The following ANK2 variants were observed in gnomAD, a reference collection of about 807,000 sequenced individuals.
ANK2 encodes the protein ankyrin 2.
A neutral mutation model predicts 360.5 loss-of-function variants in ANK2; 83 were observed. That is an observed-to-expected ratio of 0.23 (90% CI 0.19 to 0.28). The LOEUF (loss-of-function observed/expected upper bound fraction) is 0.28. Ranked by LOEUF, ANK2 falls within the 10% of genes least tolerant of loss-of-function variation. ANK2 has a pLI of 1.00. For synonymous variants in ANK2, 1,740 were observed against 1,759.5 expected (o/e 0.99, Z 0.28); for missense variants, 4,201 against 4,795.7 (o/e 0.88, Z 3.66).
chr4:112,761,693 G>T, the ANK2 span, among the ~76,000 whole-genome samples: 1 of 152,136 alleles, frequency 6.6e-6, no homozygotes, highest in African/African-American at 2.4e-5. Context: ...ACAGTGCTTG[G>T]AAATATTTCT....
Position 113,335,949 on chromosome 4 carries a change from C to T in ANK2, c.3483C>T (p.Ser1161=), listed in dbSNP as rs1057520881. The change falls in exon 30 of 46, where the codon AGC becomes AGT. Residue 1161 remains serine (S), a synonymous_variant. Transcript: ENST00000357077. ...TGGTGTCTCGTATCAAACAGGACAG[C>T]AATCTGATTGGCCCAGAAGGAGGTG... The part of the protein sequence containing the change: ...FAVVSRIKQD[S]NLIGPEGGVL... 6.2e-7 allele frequency: 1 copy of T among 1,614,156 alleles called. No individual in the cohort carries two copies. Among genetic ancestry groups the T allele is most frequent in the Non-Finnish European group, 8.5e-7 (1 of 1,180,024 alleles).
At chr4:113,067,127 A>G (rs1278656366) in intron 1 of ANK2, among the ~76,000 whole-genome samples, 5 of 65,708 alleles carry the variant, frequency 7.6e-5, no homozygotes, top group African/African-American at 4.1e-4. Context: ...AAAGTGGGAA[A>G]ACATGGCGAG....
At chr4:113,336,226 A>C (rs953457060) in intron 30 of ANK2, 169 bp downstream of exon 30, 1 of 720,320 alleles carries the variant, frequency 1.4e-6, no homozygotes, top group African/African-American at 1.8e-5. Context: ...TAATCTATTT[A>C]AAAATTCAAC....
chr4:113,311,430 C>A, intron 24 of ANK2, 31 bp downstream of exon 24: 1 of 1,612,466 alleles, frequency 6.2e-7, no homozygotes, highest in Non-Finnish European at 8.5e-7. Context: ...TTGATGTCAG[C>A]CAGAAGTATG....
chr4:113,063,799 G>T (rs879414767), intron 1 of ANK2, among the ~76,000 whole-genome samples: 11 of 151,960 alleles, frequency 7.2e-5, no homozygotes, highest in Non-Finnish European at 1.6e-4. Flanking sequence ...CAGATCTCAG[G>T]ACTATTTTTA....
chr4:112,921,019 A>G (rs1261685361), intron 2 of ANK2, among the ~76,000 whole-genome samples: 3 of 151,920 alleles, frequency 2.0e-5, no homozygotes, highest in Admixed American at 6.6e-5. Flanking sequence ...GATTAGTCCA[A>G]ATGAATAATT....
intron 1 of ANK2, chr4:112,826,839 A>G: frequency 7.6e-7 from 1 of 1,322,596 alleles, no homozygotes; most frequent in Non-Finnish European, 1.1e-6. Flanking sequence ...AGAGAATGGA[A>G]CAATATGCTT....
At chr4:113,300,830 G>T (rs1259587290) in intron 22 of ANK2, among the ~76,000 whole-genome samples, 2 of 152,142 alleles carry the variant, frequency 1.3e-5, no homozygotes, top group Non-Finnish European at 2.9e-5. Flanking sequence ...CTGAATCACA[G>T]GGCTCTTCTG....
the ANK2 span, among the ~76,000 whole-genome samples, chr4:112,790,668 A>G: frequency 6.6e-5 from 10 of 151,676 alleles, no homozygotes; most frequent in Non-Finnish European, 1.3e-4. Context: ...TTGTATTTTC[A>G]GTACAGATAG....
chr4:113,329,570 G>A (rs1287428089), intron 26 of ANK2, among the ~76,000 whole-genome samples: 1 of 152,094 alleles, frequency 6.6e-6, no homozygotes, highest in Non-Finnish European at 1.5e-5. Context: ...TTCAAAAATG[G>A]TGTATGGGCG....
intron 4 of ANK2, among the ~76,000 whole-genome samples, chr4:113,224,353 A>G (rs1308896937): frequency 6.6e-6 from 1 of 152,226 alleles, no homozygotes; most frequent in Non-Finnish European, 1.5e-5. Flanking sequence ...TATGGGCACT[A>G]AATAAAGCCT....
Position 113,021,541 on chromosome 4 carries a change from C to CACACACACACACACACATATATATATAT in ANK2, c.21+117028_21+117029insCACACACACACACACATATATATATATA, listed in dbSNP as rs1489947974. On this transcript the variant is annotated intron_variant, in intron 2 of 30. Transcript: ENST00000503271. ...ATACACACACACACCCACACACAAA[C>CACACACACACACACACATATATATATAT]ATATATATATATATATATATATATA... Among the ~76,000 whole-genome samples, 21 of 95,570 alleles carry CACACACACACACACACATATATATATAT rather than the reference C, an allele frequency of 2.2e-4. 2 individuals carry two copies. The highest frequency in any genetic ancestry group is 3.4e-4 in the Non-Finnish European group (15 of 44,140). 62.7% of individuals were successfully genotyped at this position (95,570 alleles called of 152,430 possible).
chr4:113,056,979 C>A (rs1039537681), intron 1 of ANK2, among the ~76,000 whole-genome samples: 1 of 152,184 alleles, frequency 6.6e-6, no homozygotes. Context: ...TTCTAAGAAT[C>A]AGCTTGTTTT....
intron 4 of ANK2, among the ~76,000 whole-genome samples, chr4:113,227,517 A>G (rs1585345578): frequency 6.6e-6 from 1 of 152,352 alleles, no homozygotes; most frequent in African/African-American, 2.4e-5. Context: ...GTGCTCTTAA[A>G]AAAATGCTCA....
At chr4:113,016,844 A>C (rs7697164) in intron 2 of ANK2, among the ~76,000 whole-genome samples, 123,282 of 152,070 alleles carry the variant, frequency 0.81, 49,935 homozygotes, top group South Asian at 0.87. Context: ...CTGCCATTAT[A>C]CCCTGCCCTC....
At chr4:112,709,810 A>G in the ANK2 span, among the ~76,000 whole-genome samples, 1 of 152,178 alleles carries the variant, frequency 6.6e-6, no homozygotes, top group Non-Finnish European at 1.5e-5. Context: ...CTTTTTGACA[A>G]ACTCTGATGG....
intron 1 of ANK2, among the ~76,000 whole-genome samples, chr4:113,134,347 G>A (rs72892056): frequency 0.015 from 1,612 of 108,980 alleles, 30 homozygotes; most frequent in African/African-American, 0.053. Flanking sequence ...AAAATTCAAA[G>A]TAAAATGAAA....
intron 1 of ANK2, among the ~76,000 whole-genome samples, chr4:113,138,601 T>A (rs866303259): frequency 2.0e-5 from 3 of 152,222 alleles, no homozygotes; most frequent in Admixed American, 6.5e-5. Context: ...GTCTCTTGCT[T>A]AATTTCAAAT....
intron 1 of ANK2, among the ~76,000 whole-genome samples, chr4:113,090,178 AG>A (rs2087115348): frequency 6.6e-6 from 1 of 152,234 alleles, no homozygotes; most frequent in Non-Finnish European, 1.5e-5. Flanking sequence ...GAGATTCCTC[AG>A]TTAAATCTCT....
Sources: allele counts gnomAD v4.1 joint callset (sites outside exome capture counted in the v4.1 genomes callset), GRCh38; gene constraint gnomAD v4.1.1; transcripts MANE v1.5; gene names NCBI Gene and HGNC (gene_info 2026-07-23, HGNC 2026-07-21).